Variants in PYGO1 observed in about 807,000 individuals in gnomAD.
The protein encoded by PYGO1 is pygopus family PHD finger 1.
PYGO1 carries 6 observed loss-of-function variants against 29.5 expected under a neutral mutation model. The ratio of observed to expected loss-of-function variants is 0.20; its 90% CI spans 0.11 to 0.40. PYGO1 has a LOEUF of 0.40. Ranked by LOEUF, PYGO1 falls within the 10% of genes least tolerant of loss-of-function variation. The pLI is 1.00. For synonymous variants in PYGO1, 186 were observed against 180.5 expected, an observed-to-expected ratio of 1.03 and a Z score of -0.24; for missense variants, 515 against 514.9, an observed-to-expected ratio of 1.00 and a Z score of 0.00.
intron 1 of PYGO1, among the ~76,000 whole-genome samples, chr15:55,577,626 T>C (rs1322864567): frequency 6.6e-6 from 1 of 151,478 alleles, no homozygotes; most frequent in Non-Finnish European, 1.5e-5. Flanking sequence ...TTTAAGTGTA[T>C]AGTCGGTGAT....
chr15:55,587,967 G>C lies in PYGO1; in HGVS notation c.-84C>G. ...GCGGCGGCGGCTCCTCCTCCTCGCG[G>C]GGCCGCTGCGGCTGCGAGGCAAGCC... On this transcript the variant is annotated 5_prime_UTR_variant, in exon 1 of 3. Coordinates refer to ENST00000563719, the MANE Select transcript of PYGO1 (RefSeq NM_001367806.1). The C allele has an allele frequency of 7.0e-7, 1 of 1,427,970 alleles. No individual in the cohort carries two copies. The highest frequency in any genetic ancestry group is 9.2e-7 in the Non-Finnish European group (1 of 1,085,370). 88.5% of individuals were successfully genotyped at this position (1,427,970 alleles called of 1,614,324 possible). A position where few individuals can be genotyped will look rare whatever the true frequency, so the allele number is the denominator to read the frequency against.
At chr15:55,587,689 G>C in intron 1 of PYGO1, 146 bp downstream of exon 1, 3 of 1,162,890 alleles carry the variant, frequency 2.6e-6, no homozygotes, top group Non-Finnish European at 3.2e-6. Context: ...CGCTCGGATC[G>C]CAGCCTCGGC....
chr15:55,586,977 G>A (rs1335317631), intron 1 of PYGO1, among the ~76,000 whole-genome samples: 1 of 152,198 alleles, frequency 6.6e-6, no homozygotes, highest in Non-Finnish European at 1.5e-5. Flanking sequence ...GTTCACTGCT[G>A]TATCCCAGTA....
chr15:55,557,221 G>A lies in PYGO1; in HGVS notation c.50-8226C>T, dbSNP rs914232777. Among the ~76,000 whole-genome samples the A allele has an allele frequency of 3.3e-5, 5 of 152,148 alleles. No homozygotes were observed. In the South Asian group the frequency reaches 8.3e-4, roughly 25 times the overall value. ...GAGAGAATACTATAAACACGTCTAC[G>A]CAAATAAACTAGAAAATCTAGAAGA... On this transcript the variant is annotated intron_variant, in intron 1 of 2. Coordinates refer to ENST00000563719, the MANE Select transcript of PYGO1 (RefSeq NM_001367806.1).
chr15:55,564,242 A>G (rs1033064507), intron 1 of PYGO1, among the ~76,000 whole-genome samples: 37 of 152,356 alleles, frequency 2.4e-4, no homozygotes, highest in African/African-American at 8.7e-4. Context: ...AGCCATAAAA[A>G]GGAATGAAGT....
chr15:55,541,928 T>C lies in PYGO1; in HGVS notation c.*4095A>G, dbSNP rs2058829405. 6.6e-6 allele frequency: 1 copy of C among 152,204 alleles called. No homozygotes were observed. Among genetic ancestry groups the C allele is most frequent in the East Asian group, 1.9e-4 (1 of 5,194 alleles). 9.4% of individuals were successfully genotyped at this position (152,204 alleles called of 1,614,324 possible). A position where few individuals can be genotyped will look rare whatever the true frequency, so the allele number is the denominator to read the frequency against. On this transcript the variant is annotated 3_prime_UTR_variant, in exon 3 of 3. Transcript: ENST00000563719. The stretch of plus-strand genomic sequence containing the variant: ...CTAGATTATGGTCTAAATGAGCCTT[T>C]AGGAGCTTCCCTATTGTGTAGAGTT...
At chr15:55,582,941 T>C (rs1341695019) in intron 1 of PYGO1, among the ~76,000 whole-genome samples, 1 of 152,210 alleles carries the variant, frequency 6.6e-6, no homozygotes, top group South Asian at 2.1e-4. Flanking sequence ...TATATTTTCT[T>C]GTAAAGTCCA....
intron 1 of PYGO1, among the ~76,000 whole-genome samples, chr15:55,582,618 T>C (rs1227589127): frequency 2.0e-5 from 3 of 152,190 alleles, no homozygotes; most frequent in East Asian, 3.8e-4. Flanking sequence ...TTAATTAGTA[T>C]TTATCTGTTT....
intron 1 of PYGO1, among the ~76,000 whole-genome samples, chr15:55,574,666 GTGT>G: frequency 6.7e-6 from 1 of 148,812 alleles, no homozygotes; most frequent in Non-Finnish European, 1.5e-5. Flanking sequence ...GTGTGTGTGT[GTGT>G]GTGTATGATA....
chr15:55,586,233 T>C (rs2059045685), intron 1 of PYGO1, among the ~76,000 whole-genome samples: 1 of 152,236 alleles, frequency 6.6e-6, no homozygotes, highest in Non-Finnish European at 1.5e-5. Flanking sequence ...TTACCCTGTT[T>C]GGATGACTAT....
chr15:55,570,821 C>A (rs1367333074), intron 1 of PYGO1, among the ~76,000 whole-genome samples: 3 of 151,958 alleles, frequency 2.0e-5, no homozygotes, highest in Non-Finnish European at 4.4e-5. Flanking sequence ...AAACATAATT[C>A]TCTCAGGTTT....
In PYGO1 at chr15:55,558,676, C is replaced by T. The variant is rs972263220; in HGVS notation, c.50-9681G>A. ...TATAGACCAATGGAACAGAACAGAG[C>T]CAACGCATGTACAACCATCTGATCT... On this transcript the variant is annotated intron_variant, in intron 1 of 2. Transcript: ENST00000563719. 1.0e-4 allele frequency among the ~76,000 whole-genome samples: 15 copies of T among 149,592 alleles called. 1 individual carries two copies. The highest frequency in any genetic ancestry group is 1.7e-4 in the Non-Finnish European group (11 of 66,498).
rs758900836 is a variant in PYGO1, at chr15:55,542,486, T to C, written c.*3537A>G. On this transcript the variant is annotated 3_prime_UTR_variant, in exon 3 of 3. Coordinates refer to ENST00000563719, the MANE Select transcript of PYGO1 (RefSeq NM_001367806.1). ...AGGAAAACACTGATCACAAATCTAATTCTAAGCACTCTGTCTGAAGAACAA... is the reference window on the plus strand; with the variant it reads ...AGGAAAACACTGATCACAAATCTAACTCTAAGCACTCTGTCTGAAGAACAA... 3 of 152,222 alleles carry C rather than the reference T, an allele frequency of 2.0e-5. No homozygotes were observed. The highest frequency in any genetic ancestry group is 4.4e-5 in the Non-Finnish European group (3 of 68,042). The allele number at this position is 152,222 out of a possible 1,614,324, so 9.4% of individuals were successfully genotyped here. A position where few individuals can be genotyped will look rare whatever the true frequency, so the allele number is the denominator to read the frequency against.
intron 1 of PYGO1, among the ~76,000 whole-genome samples, chr15:55,572,769 G>C (rs1430149478): frequency 6.6e-6 from 1 of 151,944 alleles, no homozygotes; most frequent in African/African-American, 2.4e-5. Flanking sequence ...ATGGCCAACA[G>C]GTACCTGAAA....
intron 1 of PYGO1, among the ~76,000 whole-genome samples, chr15:55,578,347 C>A (rs940162841): frequency 6.6e-6 from 1 of 151,832 alleles, no homozygotes; most frequent in Non-Finnish European, 1.5e-5. Context: ...TTTGTATAAG[C>A]ATGTTTTCAA....
intron 1 of PYGO1, among the ~76,000 whole-genome samples, chr15:55,570,607 T>C (rs1323626465): frequency 2.6e-5 from 4 of 152,012 alleles, no homozygotes; most frequent in Non-Finnish European, 5.9e-5. Flanking sequence ...AAATTTTAAA[T>C]ACATTTTAAA....
intron 1 of PYGO1, among the ~76,000 whole-genome samples, chr15:55,585,668 C>A (rs1181587557): frequency 1.3e-5 from 2 of 152,270 alleles, no homozygotes; most frequent in Middle Eastern, 6.8e-3. Flanking sequence ...TAGAACTTAA[C>A]AGCAGTTGGA....
chr15:55,542,572 G>T lies in PYGO1; in HGVS notation c.*3451C>A, dbSNP rs2058832330. 6.6e-6 allele frequency: 1 copy of T among 152,186 alleles called. No individual in the cohort carries two copies. Among genetic ancestry groups the T allele is most frequent in the Non-Finnish European group, 1.5e-5 (1 of 68,020 alleles). 9.4% of individuals were successfully genotyped at this position (152,186 alleles called of 1,614,324 possible). ...TGAATCGAGTAACACCTAGAAGCATGTGGACCACAAATTCTCTAGTGCATG... is the reference window on the plus strand; with the variant it reads ...TGAATCGAGTAACACCTAGAAGCATTTGGACCACAAATTCTCTAGTGCATG... On this transcript the variant is annotated 3_prime_UTR_variant, in exon 3 of 3. Transcript: ENST00000563719.
At chr15:55,563,013 A>G (rs984458971) in intron 1 of PYGO1, among the ~76,000 whole-genome samples, 2 of 152,148 alleles carry the variant, frequency 1.3e-5, no homozygotes, top group African/African-American at 4.8e-5. Context: ...GAGGGAGAGC[A>G]TCGTGACCTT....
Sources: gnomAD v4.1 joint callset for allele counts (sites outside exome capture counted in the v4.1 genomes callset) on GRCh38, gnomAD v4.1.1 for gene constraint, MANE v1.5 for transcripts, NCBI Gene and HGNC (gene_info 2026-07-23, HGNC 2026-07-21) for gene names.